Variants in SPTLC3 observed in about 807,000 individuals in gnomAD.
SPTLC3 encodes serine palmitoyltransferase 3.
SPTLC3 carries 36 observed loss-of-function variants against 59.3 expected under a neutral mutation model. The observed-to-expected ratio is 0.61, with a 90% CI of 0.47 to 0.80. The LOEUF is 0.80. SPTLC3 is among the 30% of genes least tolerant of loss of function. SPTLC3 has a pLI of 0.00. For missense variants in SPTLC3, 625 were observed against 685.1 expected (o/e 0.91, Z 0.98); for synonymous variants, 257 against 240.8 (o/e 1.07, Z -0.62).
intron 11 of SPTLC3, among the ~76,000 whole-genome samples, chr20:13,162,156 C>T (rs894840925): frequency 6.6e-6 from 1 of 152,146 alleles, no homozygotes; most frequent in Admixed American, 6.5e-5. Flanking sequence ...TTAGAAAATA[C>T]CCTTGAAAAT....
chr20:13,146,500 A>G (rs1313792666), intron 9 of SPTLC3, among the ~76,000 whole-genome samples: 1 of 152,204 alleles, frequency 6.6e-6, no homozygotes, highest in Non-Finnish European at 1.5e-5. Flanking sequence ...TAGCTCATTT[A>G]ATGTGTAAAA....
At chr20:13,051,446 T>C (rs62201721) in intron 2 of SPTLC3, among the ~76,000 whole-genome samples, 33,210 of 152,156 alleles carry the variant, frequency 0.22, 3,821 homozygotes, top group African/African-American at 0.29. Flanking sequence ...AAACGATTAC[T>C]AACAGACCTA....
At chr20:13,030,926 ATTAC>A (rs1986412776) in intron 1 of SPTLC3, among the ~76,000 whole-genome samples, 1 of 152,000 alleles carries the variant, frequency 6.6e-6, no homozygotes, top group Non-Finnish European at 1.5e-5. Flanking sequence ...AGCACTCTTA[ATTAC>A]TTATAATTTT....
chr20:13,142,619 A>G (rs2038411515), intron 9 of SPTLC3, among the ~76,000 whole-genome samples: 2 of 152,184 alleles, frequency 1.3e-5, no homozygotes, highest in African/African-American at 4.8e-5. Context: ...TGAATATATC[A>G]GTTTCCTTGG....
chr20:13,159,828 T>C (rs1384704641), intron 10 of SPTLC3, among the ~76,000 whole-genome samples, 175 bp from the exon 11 acceptor site: 1 of 152,170 alleles, frequency 6.6e-6, no homozygotes, highest in Non-Finnish European at 1.5e-5. Flanking sequence ...TGCCTGTTTA[T>C]TTGTCAATTT....
At chr20:13,094,414 C>T (rs1179885378) in intron 6 of SPTLC3, among the ~76,000 whole-genome samples, 4 of 152,108 alleles carry the variant, frequency 2.6e-5, no homozygotes, top group South Asian at 4.1e-4. Context: ...CACTCACACA[C>T]ATGCACACAC....
intron 5 of SPTLC3, among the ~76,000 whole-genome samples, chr20:13,093,130 G>A (rs894395109): frequency 1.3e-5 from 2 of 152,304 alleles, no homozygotes; most frequent in East Asian, 1.9e-4. Context: ...TCTCATGGAA[G>A]TGCCCCTACA....
chr20:13,155,388 G>A (rs2038744824), intron 10 of SPTLC3, among the ~76,000 whole-genome samples: 1 of 152,172 alleles, frequency 6.6e-6, no homozygotes, highest in Non-Finnish European at 1.5e-5. Context: ...AGTACTTGAA[G>A]TATTGAAAAG....
intron 4 of SPTLC3, among the ~76,000 whole-genome samples, chr20:13,080,234 G>A (rs2122592313): frequency 6.6e-6 from 1 of 152,144 alleles, no homozygotes; most frequent in East Asian, 1.9e-4. Context: ...ACTTGGCCAG[G>A]TGCGGTGACT....
rs1459956818 is a variant in SPTLC3, at chr20:13,072,350, C to T, written c.398C>T (p.Ala133Val). 6.8e-6 allele frequency: 11 copies of T among 1,613,566 alleles called. No homozygotes were observed. The highest frequency in any genetic ancestry group is 9.3e-6 in the Non-Finnish European group (11 of 1,179,668). ...AACTGGAACCGGCCCATCTGCAGTGCCCCAGGGCCTCTGTTTGATTTGATG... is the reference window on the plus strand; with the variant it reads ...AACTGGAACCGGCCCATCTGCAGTGTCCCAGGGCCTCTGTTTGATTTGATG... Reference protein sequence around the residue: ...RDNWNRPICSAPGPLFDLMER... With the variant: ...RDNWNRPICSVPGPLFDLMER... Residue 133 changes from alanine (A) to valine (V), a missense_variant, in exon 3 of 12, where the codon GCC (alanine) becomes GTC (valine). Coordinates refer to ENST00000399002, the MANE Select transcript of SPTLC3 (RefSeq NM_018327.4).
intron 1 of SPTLC3, among the ~76,000 whole-genome samples, chr20:13,018,469 A>C (rs1985663956): frequency 6.6e-6 from 1 of 152,194 alleles, no homozygotes. Flanking sequence ...AGCCAAACAC[A>C]ATGAACCTAA....
At chr20:13,035,306 AG>A (rs1460521320) in intron 1 of SPTLC3, among the ~76,000 whole-genome samples, 6 of 152,218 alleles carry the variant, frequency 3.9e-5, no homozygotes, top group Non-Finnish European at 7.3e-5. Context: ...CTGTCGAAAA[AG>A]TAAATTTTAC....
chr20:13,010,673 T>A (rs1225992865), intron 1 of SPTLC3, among the ~76,000 whole-genome samples: 1 of 152,134 alleles, frequency 6.6e-6, no homozygotes, highest in Non-Finnish European at 1.5e-5. Context: ...CACTTATGCA[T>A]CACTAAATAT....
At chr20:13,091,036 C>G (rs1419372692) in intron 4 of SPTLC3, 47 bp from the exon 5 acceptor site, 1 of 1,605,072 alleles carries the variant, frequency 6.2e-7, no homozygotes, top group Non-Finnish European at 8.5e-7. Context: ...TCAATCTTGG[C>G]CTTGTTGAAA....
chr20:13,047,610 T>G (rs1010330886), intron 1 of SPTLC3, among the ~76,000 whole-genome samples: 1 of 152,110 alleles, frequency 6.6e-6, no homozygotes, highest in Non-Finnish European at 1.5e-5. Flanking sequence ...AATTAAATAT[T>G]AGCATTAGAG....
intron 6 of SPTLC3, among the ~76,000 whole-genome samples, chr20:13,106,720 G>A (rs1211670385): frequency 1.3e-5 from 2 of 152,196 alleles, no homozygotes; most frequent in Non-Finnish European, 2.9e-5. Context: ...CGTGCCCTAC[G>A]TGCCATTAAT....
chr20:13,109,979 G>A lies in SPTLC3; in HGVS notation c.827-133G>A. On this transcript the variant is annotated intron_variant, in intron 6 of 11. Coordinates refer to ENST00000399002, the MANE Select transcript of SPTLC3 (RefSeq NM_018327.4). ...AGACCTCTGTCTCTCTCTCCCTAAG[G>A]GTTCTCTGATTCTGAATTTGTTCTC... 2.0e-5 allele frequency: 13 copies of A among 660,694 alleles called. No individual in the cohort carries two copies. The South Asian group carries it at 2.4e-4, about 12-fold the overall frequency. 40.9% of individuals were successfully genotyped at this position (660,694 alleles called of 1,614,324 possible). A position where few individuals can be genotyped will look rare whatever the true frequency, so the allele number is the denominator to read the frequency against.
intron 9 of SPTLC3, among the ~76,000 whole-genome samples, chr20:13,152,345 TACCTGATCCAATTAGTAGCCACC>T (rs2038668164): frequency 6.6e-6 from 1 of 152,206 alleles, no homozygotes; most frequent in African/African-American, 2.4e-5. Context: ...CTTTAGAGGC[TACCTGATCCAATTAGTAGCCACC>T]ACCTGAATTA....
chr20:13,022,450 A>C (rs534142174), intron 1 of SPTLC3, among the ~76,000 whole-genome samples: 1 of 152,326 alleles, frequency 6.6e-6, no homozygotes, highest in African/African-American at 2.4e-5. Context: ...TCAGGAATTC[A>C]GAAAAGGAAC....
Sources: gnomAD v4.1 joint callset for allele counts (sites outside exome capture counted in the v4.1 genomes callset) on GRCh38, gnomAD v4.1.1 for gene constraint, MANE v1.5 for transcripts, NCBI Gene and HGNC (gene_info 2026-07-23, HGNC 2026-07-21) for gene names.